The following QSER1 variants were observed in gnomAD, a reference collection of about 807,000 sequenced individuals.
QSER1 encodes the protein glutamine and serine rich 1.
QSER1 carries 49 observed loss-of-function variants against 158.5 expected under a neutral mutation model. The observed-to-expected ratio is 0.31, with a 90% CI of 0.25 to 0.39. The LOEUF is 0.39. Ranked by LOEUF, QSER1 falls within the 10% of genes least tolerant of loss-of-function variation. QSER1 has a pLI of 1.00. For missense variants in QSER1, 1,754 were observed against 2,010.3 expected, an observed-to-expected ratio of 0.87 and a Z score of 2.44; for synonymous variants, 650 against 715.5, an observed-to-expected ratio of 0.91 and a Z score of 1.46.
At chr11:32,939,381 C>A (rs1852196984) in intron 4 of QSER1, among the ~76,000 whole-genome samples, 1 of 152,052 alleles carries the variant, frequency 6.6e-6, no homozygotes, top group African/African-American at 2.4e-5. Flanking sequence ...GTTTTCTGGG[C>A]TCCTTGAAGA....
chr11:32,947,394 C>G (rs1479657614), intron 4 of QSER1, among the ~76,000 whole-genome samples: 1 of 152,002 alleles, frequency 6.6e-6, no homozygotes, highest in Non-Finnish European at 1.5e-5. Context: ...ATACTAAGTA[C>G]TAATAGATTT....
At chr11:32,894,555 TG>T (rs1851530980) in intron 1 of QSER1, among the ~76,000 whole-genome samples, 1 of 152,250 alleles carries the variant, frequency 6.6e-6, no homozygotes. Flanking sequence ...TTATCTTCTT[TG>T]TTTTTACGAA....
chr11:32,967,294 C>T (rs560228205), intron 9 of QSER1, among the ~76,000 whole-genome samples: 3 of 151,982 alleles, frequency 2.0e-5, no homozygotes, highest in Middle Eastern at 3.4e-3. Context: ...ACAAAGGCAG[C>T]GTGGTATAAT....
chr11:32,913,883 C>T (rs1181290078), intron 1 of QSER1, among the ~76,000 whole-genome samples: 1 of 152,182 alleles, frequency 6.6e-6, no homozygotes, highest in Non-Finnish European at 1.5e-5. Flanking sequence ...GGATTTGAAT[C>T]CTGTGGCCTG....
chr11:32,919,981 C>A (rs1294616003), intron 1 of QSER1, among the ~76,000 whole-genome samples: 1 of 152,056 alleles, frequency 6.6e-6, no homozygotes, highest in Non-Finnish European at 1.5e-5. Context: ...TTCTTTTTAG[C>A]ACTTTCTTAC....
intron 1 of QSER1, among the ~76,000 whole-genome samples, chr11:32,911,433 G>A (rs1235018725): frequency 6.6e-6 from 1 of 152,004 alleles, no homozygotes; most frequent in African/African-American, 2.4e-5. Flanking sequence ...AAATAAAAAA[G>A]TACCAAGTTA....
intron 1 of QSER1, among the ~76,000 whole-genome samples, chr11:32,917,659 C>T (rs1851850379): frequency 6.6e-6 from 1 of 151,824 alleles, no homozygotes; most frequent in African/African-American, 2.4e-5. Flanking sequence ...AACCCCATCT[C>T]CACTAAAAAT....
intron 1 of QSER1, among the ~76,000 whole-genome samples, chr11:32,910,448 A>G (rs1851752251): frequency 6.6e-6 from 1 of 152,142 alleles, no homozygotes; most frequent in African/African-American, 2.4e-5. Flanking sequence ...GAATAAATTA[A>G]TTTACCCTGC....
intron 1 of QSER1, among the ~76,000 whole-genome samples, chr11:32,896,704 T>C (rs1448264768): frequency 6.6e-6 from 1 of 152,208 alleles, no homozygotes; most frequent in East Asian, 1.9e-4. Context: ...TTTGCCTTTC[T>C]AACTTGAAAT....
In QSER1 at chr11:32,933,382, G is replaced by A; in HGVS notation, c.2124G>A (p.Glu708=). ...LQVLQPQASL[E]SSTQRLSDGE... ...TGTTGCAGCCACAAGCATCTCTTGA[G>A]TCATCAACCCAAAGGCTATCTGATG... Residue 708 remains glutamate, a synonymous_variant, in exon 4 of 13, where the codon GAG becomes GAA. Coordinates refer to ENST00000650167, the MANE Select transcript of QSER1 (RefSeq NM_001076786.3). 6.2e-7 allele frequency: 1 copy of A among 1,613,890 alleles called. No homozygotes were observed. Among genetic ancestry groups the A allele is most frequent in the Non-Finnish European group, 8.5e-7 (1 of 1,179,954 alleles).
intron 11 of QSER1, among the ~76,000 whole-genome samples, chr11:32,974,219 G>A (rs550085395): frequency 7.2e-5 from 11 of 152,072 alleles, no homozygotes; most frequent in Non-Finnish European, 1.5e-4. Context: ...CCAGGTGTTC[G>A]AGACCAGTCT....
intron 1 of QSER1, among the ~76,000 whole-genome samples, chr11:32,922,511 G>T (rs1243534580): frequency 7.6e-6 from 1 of 131,498 alleles, no homozygotes; most frequent in Non-Finnish European, 1.5e-5. Flanking sequence ...TTGAGCCAGA[G>T]TCTCACTCTG....
At chr11:32,904,535 G>A (rs1160530453) in intron 1 of QSER1, among the ~76,000 whole-genome samples, 1 of 150,844 alleles carries the variant, frequency 6.6e-6, no homozygotes, top group East Asian at 1.9e-4. Flanking sequence ...ATGAATATGT[G>A]TATGGATGCT....
At chr11:32,954,757 C>G (rs531142783) in intron 5 of QSER1, among the ~76,000 whole-genome samples, 12 of 152,216 alleles carry the variant, frequency 7.9e-5, no homozygotes, top group African/African-American at 2.9e-4. Flanking sequence ...TGGCCTCAAG[C>G]AGTCCTCCCA....
rs144268832 is a variant in QSER1 at position 32,897,461 on chromosome 11, A to G, written c.209+4127A>G. 2.1e-3 allele frequency among the ~76,000 whole-genome samples: 324 copies of G among 152,314 alleles called. 2 individuals are homozygous for G. Among genetic ancestry groups the G allele is most frequent in the African/African-American group, 7.2e-3 (298 of 41,564 alleles). On this transcript the variant is annotated intron_variant, in intron 1 of 12. Coordinates refer to ENST00000650167, the MANE Select transcript of QSER1 (RefSeq NM_001076786.3). ...GTGTTCTTTGTCACCGTTGACCATT[A>G]CCTAGTTGAAATACATTCCTTTTCA...
chr11:32,913,284 G>C (rs764938525), intron 1 of QSER1, among the ~76,000 whole-genome samples: 3 of 145,298 alleles, frequency 2.1e-5, no homozygotes, highest in African/African-American at 5.1e-5. Context: ...TCTGCCTCCT[G>C]GGTTCATGCC....
chr11:32,943,915 C>T (rs1852284579), intron 4 of QSER1, among the ~76,000 whole-genome samples: 1 of 150,946 alleles, frequency 6.6e-6, no homozygotes, highest in Non-Finnish European at 1.5e-5. Context: ...ATTTCAGATC[C>T]TGTTATTGGT....
intron 1 of QSER1, among the ~76,000 whole-genome samples, chr11:32,899,119 C>T (rs534886332): frequency 2.6e-5 from 4 of 152,280 alleles, no homozygotes; most frequent in East Asian, 1.9e-4. Context: ...TTATGTAATA[C>T]GTATCTTCTT....
At chr11:32,953,708 C>G (rs1358626655) in intron 4 of QSER1, 149 bp from the exon 5 acceptor site, 1 of 885,782 alleles carries the variant, frequency 1.1e-6, no homozygotes, top group Non-Finnish European at 1.7e-6. Context: ...AAATTAACAT[C>G]TGTTGTCTAA....
Sources: allele counts gnomAD v4.1 joint callset (sites outside exome capture counted in the v4.1 genomes callset), GRCh38; gene constraint gnomAD v4.1.1; transcripts MANE v1.5; gene names NCBI Gene and HGNC (gene_info 2026-07-23, HGNC 2026-07-21).